The following HEMK2 variants were observed in gnomAD, a reference collection of about 807,000 sequenced individuals.
HEMK2 encodes methyltransferase HEMK2.
At chr21:28,724,178 T>C in the HEMK2 span, among the ~76,000 whole-genome samples, 1 of 152,234 alleles carries the variant, frequency 6.6e-6, no homozygotes. Flanking sequence ...TTTATTTTTC[T>C]TTAATTTTGG....
At chr21:28,828,908 TG>T in the HEMK2 span, among the ~76,000 whole-genome samples, 1 of 152,154 alleles carries the variant, frequency 6.6e-6, no homozygotes, top group African/African-American at 2.4e-5. Context: ...ATATATACAG[TG>T]ATTATTATAA....
the HEMK2 span, among the ~76,000 whole-genome samples, chr21:28,885,014 G>A: frequency 6.6e-6 from 1 of 152,136 alleles, no homozygotes; most frequent in Non-Finnish European, 1.5e-5. Context: ...CCTGGCAAAG[G>A]AGATGCGTCC....
chr21:28,885,328 G>A, the HEMK2 span: 1 of 1,582,448 alleles, frequency 6.3e-7, no homozygotes, highest in Non-Finnish European at 8.6e-7. Context: ...ACGGCGTAGC[G>A]AAGTTCTCCC....
the HEMK2 span, among the ~76,000 whole-genome samples, chr21:28,877,290 AAGGAAGGAAGAG>A: frequency 3.1e-5 from 3 of 97,114 alleles, no homozygotes; most frequent in African/African-American, 1.2e-4. Context: ...GGAAGGAAGG[AAGGAAGGAAGAG>A]AGAGAGAAAG....
At chr21:28,600,382 G>C in the HEMK2 span, among the ~76,000 whole-genome samples, 1 of 152,248 alleles carries the variant, frequency 6.6e-6, no homozygotes, top group Admixed American at 6.5e-5. Context: ...ACCCTCTAAA[G>C]TCACAGCCTG....
At chr21:28,638,750 A>G in the HEMK2 span, among the ~76,000 whole-genome samples, 2 of 152,092 alleles carry the variant, frequency 1.3e-5, no homozygotes, top group African/African-American at 4.8e-5. Flanking sequence ...CCTCACGTAC[A>G]TGGTGATTGG....
chr21:28,647,520 A>AAG, the HEMK2 span, among the ~76,000 whole-genome samples: 2 of 150,028 alleles, frequency 1.3e-5, no homozygotes, highest in African/African-American at 4.9e-5. Flanking sequence ...AAAAAAAAAA[A>AAG]AAAAAGAAAA....
chr21:28,588,729 G>C, the HEMK2 span, among the ~76,000 whole-genome samples: 1 of 152,168 alleles, frequency 6.6e-6, no homozygotes, highest in East Asian at 1.9e-4. Context: ...CCAGCACTTT[G>C]GGAGGCCGAG....
chr21:28,674,226 A>G, the HEMK2 span, among the ~76,000 whole-genome samples: 1 of 152,214 alleles, frequency 6.6e-6, no homozygotes, highest in Admixed American at 6.5e-5. Flanking sequence ...TGGTCTAAAA[A>G]GGGGAGGCAT....
the HEMK2 span, among the ~76,000 whole-genome samples, chr21:28,810,790 C>T: frequency 6.6e-6 from 1 of 152,168 alleles, no homozygotes. Flanking sequence ...TTCAGAGGCG[C>T]AGTTCAGTCT....
At chr21:28,831,692 AAGGAAG>A in the HEMK2 span, among the ~76,000 whole-genome samples, 36 of 86,138 alleles carry the variant, frequency 4.2e-4, 1 homozygote, top group Admixed American at 1.1e-3. Flanking sequence ...AGAAGGAAGG[AAGGAAG>A]GAAGGAAGGA....
the HEMK2 span, among the ~76,000 whole-genome samples, chr21:28,590,275 A>G: frequency 2.0e-5 from 3 of 152,228 alleles, no homozygotes; most frequent in Non-Finnish European, 4.4e-5. Flanking sequence ...AAGCTGTTGA[A>G]GAAACTGGAC....
chr21:28,695,094 T>C, the HEMK2 span, among the ~76,000 whole-genome samples: 7 of 152,244 alleles, frequency 4.6e-5, no homozygotes, highest in Non-Finnish European at 1.0e-4. Context: ...TGCGATCTTT[T>C]ATCTTGACTT....
the HEMK2 span, among the ~76,000 whole-genome samples, chr21:28,611,082 C>T: frequency 6.6e-6 from 1 of 152,212 alleles, no homozygotes; most frequent in African/African-American, 2.4e-5. Context: ...TTCTACCCAA[C>T]AACTGCAGAA....
the HEMK2 span, among the ~76,000 whole-genome samples, chr21:28,586,426 T>C: frequency 2.0e-5 from 3 of 152,186 alleles, no homozygotes; most frequent in South Asian, 6.2e-4. Context: ...TAATCATAAA[T>C]AAAGCTTCAG....
the HEMK2 span, among the ~76,000 whole-genome samples, chr21:28,813,999 C>T: frequency 3.9e-5 from 6 of 152,026 alleles, no homozygotes; most frequent in Non-Finnish European, 5.9e-5. Flanking sequence ...GCACTTTGGG[C>T]GGCTGAGGTG....
the HEMK2 span, chr21:28,882,988 TAC>T: frequency 6.3e-7 from 1 of 1,589,456 alleles, no homozygotes; most frequent in African/African-American, 1.3e-5. Context: ...TACTTACATG[TAC>T]AAAGCCTGAG....
At chr21:28,744,176 C>T in the HEMK2 span, among the ~76,000 whole-genome samples, 392 of 152,022 alleles carry the variant, frequency 2.6e-3, 2 homozygotes, top group African/African-American at 9.0e-3. Context: ...ACTCTGTACA[C>T]CAAACCCCTG....
chr21:28,603,295 G>A, the HEMK2 span, among the ~76,000 whole-genome samples: 1 of 152,044 alleles, frequency 6.6e-6, no homozygotes, highest in African/African-American at 2.4e-5. Context: ...ACCCAATCTA[G>A]GTCACCCTCT....
Sources: allele counts gnomAD v4.1 joint callset (sites outside exome capture counted in the v4.1 genomes callset), GRCh38; gene constraint gnomAD v4.1.1; transcripts MANE v1.5; gene names NCBI Gene and HGNC (gene_info 2026-07-23, HGNC 2026-07-21).